Variants in PDXK observed in about 807,000 individuals in gnomAD.
The protein encoded by PDXK is pyridoxal kinase, also known as epididymis secretory sperm binding protein Li 1a.
PDXK carries 15 observed loss-of-function variants against 43.2 expected under a neutral mutation model. The ratio of observed to expected loss-of-function variants is 0.35; its 90% CI spans 0.23 to 0.53. The LOEUF (loss-of-function observed/expected upper bound fraction) is 0.53. Ranked by LOEUF, PDXK falls within the 20% of genes least tolerant of loss-of-function variation. PDXK has a pLI of 0.92. For missense variants in PDXK, 343 were observed against 417.0 expected (o/e 0.82, Z 1.54); for synonymous variants, 172 against 165.4 (o/e 1.04, Z -0.31).
intron 7 of PDXK, among the ~76,000 whole-genome samples, chr21:43,750,847 T>C (rs1056556533): frequency 9.9e-5 from 15 of 151,518 alleles, no homozygotes; most frequent in African/African-American, 2.4e-4. Context: ...CGTGTGTGTG[T>C]GCACATGTGC....
intron 1 of PDXK, among the ~76,000 whole-genome samples, chr21:43,730,689 C>T (rs941584293): frequency 1.3e-5 from 2 of 152,162 alleles, no homozygotes; most frequent in Non-Finnish European, 2.9e-5. Context: ...TGCAGTGGCT[C>T]ATACCTGTAG....
At chr21:43,730,594 A>G (rs1338573336) in intron 1 of PDXK, among the ~76,000 whole-genome samples, 1 of 152,188 alleles carries the variant, frequency 6.6e-6, no homozygotes, top group Non-Finnish European at 1.5e-5. Flanking sequence ...TAGACAACAG[A>G]TAGTGTAAAA....
In PDXK at chr21:43,754,338, G is replaced by A. The variant is rs1231438986; in HGVS notation, c.759+619G>A. Among the ~76,000 whole-genome samples, 1 of 152,184 alleles carries A rather than the reference G, an allele frequency of 6.6e-6. No homozygotes were observed. The highest frequency in any genetic ancestry group is 2.4e-5 in the African/African-American group (1 of 41,438). ...TTGGGCAACTGACATGGCAGGTTGG[G>A]ATGTGGGGTCTCGTGAGCCTTTCTC... On this transcript the variant is annotated intron_variant, in intron 9 of 10. Coordinates refer to ENST00000291565, the MANE Select transcript of PDXK (RefSeq NM_003681.5). This position sits in a 1 kb window ranked among gnomAD's most constrained non-coding sequence, Gnocchi z 5.5.
At position 43,752,571 on chromosome 21, in the gene PDXK, C is replaced by T. The variant is rs117532045; in HGVS notation, c.564C>T (p.Ser188=). The T allele has an allele frequency of 7.3e-4, 1,181 of 1,613,070 alleles. 6 individuals are homozygous for T. The East Asian group carries it at 0.015, about 21-fold the overall frequency. The change falls in exon 8 of 11, where the codon TCC becomes TCT. Residue 188 remains serine (S), a synonymous_variant. Coordinates refer to ENST00000291565, the MANE Select transcript of PDXK (RefSeq NM_003681.5). ...CCGACACCGTGGTCATCACCAGCTC[C>T]GACCTGCCCTCCCCGCAGGGCAGCA... ...MGPDTVVITS[S]DLPSPQGSNY...
intron 1 of PDXK, among the ~76,000 whole-genome samples, chr21:43,729,173 G>A (rs375816222): frequency 7.9e-5 from 12 of 152,204 alleles, no homozygotes; most frequent in East Asian, 3.9e-4. Context: ...TACACCTTGC[G>A]GTAGAGGCTG....
At chr21:43,725,724 T>A (rs1206836744) in intron 1 of PDXK, among the ~76,000 whole-genome samples, 1 of 151,610 alleles carries the variant, frequency 6.6e-6, no homozygotes, top group Non-Finnish European at 1.5e-5. Flanking sequence ...GGAAGGAGAT[T>A]GCTTAAACCC....
intron 4 of PDXK, 91 bp from the exon 5 acceptor site, chr21:43,745,988 C>A (rs1469998022): frequency 2.0e-6 from 2 of 1,017,554 alleles, no homozygotes; most frequent in South Asian, 1.3e-5. Context: ...CAGAGCAAGA[C>A]CCTGTCTTAA....
In PDXK at chr21:43,749,025, A is replaced by G. The variant is rs1360203231; in HGVS notation, c.409A>G (p.Lys137Glu). 4.3e-6 allele frequency: 7 copies of G among 1,612,722 alleles called. No individual in the cohort carries two copies. Among genetic ancestry groups the G allele is most frequent in the African/African-American group, 1.3e-5 (1 of 74,914 alleles). The stretch of plus-strand genomic sequence containing the variant: ...CCCGGAGGACCTCCTTCCCGTCTAC[A>G]AAGAAAAAGTGGTGCCGCTTGCAGA... ...YVPEDLLPVY[K>E]EKVVPLADII... The change falls in exon 6 of 11, where the codon AAA (lysine) becomes GAA (glutamate). Residue 137 changes from lysine (K) to glutamate (E), a missense_variant. Lys to Glu is a moderately conservative substitution (Grantham distance 56). Coordinates refer to ENST00000291565, the MANE Select transcript of PDXK (RefSeq NM_003681.5).
At chr21:43,753,387 G>T (rs780411413) in intron 8 of PDXK, among the ~76,000 whole-genome samples, 196 bp from the exon 9 acceptor site, 9 of 152,154 alleles carry the variant, frequency 5.9e-5, no homozygotes, top group Non-Finnish European at 1.0e-4. Context: ...CTCTGAGGGT[G>T]CAGTCTTTCC....
chr21:43,743,966 A>G (rs1376147386), intron 4 of PDXK, among the ~76,000 whole-genome samples, 159 bp downstream of exon 4: 1 of 152,108 alleles, frequency 6.6e-6, no homozygotes, highest in Non-Finnish European at 1.5e-5. Context: ...GCCTCTGAAG[A>G]TGTTGGCCTG....
At position 43,754,078 on chromosome 21, in the gene PDXK, G is replaced by A. The variant is rs1390633940; in HGVS notation, c.759+359G>A. ...GCTGTTGTGTCCTTGGTGACTTGGG[G>A]GCTGCTGCAGAGGAGTGGCACCCTG... On this transcript the variant is annotated intron_variant, in intron 9 of 10. Coordinates refer to ENST00000291565, the MANE Select transcript of PDXK (RefSeq NM_003681.5). This position sits in a 1 kb window ranked among gnomAD's most constrained non-coding sequence, Gnocchi z 5.5. 6.6e-6 allele frequency among the ~76,000 whole-genome samples: 1 copy of A among 152,232 alleles called. No homozygotes were observed. The highest frequency in any genetic ancestry group is 1.5e-5 in the Non-Finnish European group (1 of 68,036).
rs1049448126 is a variant in PDXK, at chr21:43,734,422, A to G, written c.142+299A>G. Among the ~76,000 whole-genome samples, 4 of 152,166 alleles carry G rather than the reference A, an allele frequency of 2.6e-5. No individual in the cohort carries two copies. Among genetic ancestry groups the G allele is most frequent in the African/African-American group, 9.7e-5 (4 of 41,428 alleles). On this transcript the variant is annotated intron_variant, in intron 2 of 10. Coordinates refer to ENST00000291565, the MANE Select transcript of PDXK (RefSeq NM_003681.5). The surrounding 1 kb of genome is among the most constrained non-coding windows in gnomAD (Gnocchi z 5.0). Reference sequence around the variant, plus strand: ...GCTTCAGTTTCCTTCTCTGTAAGACAGGAGGGCAATCCTAACACCTGCCGT... The same window carrying G: ...GCTTCAGTTTCCTTCTCTGTAAGACGGGAGGGCAATCCTAACACCTGCCGT...
At chr21:43,725,453 T>C (rs2083244588) in intron 1 of PDXK, among the ~76,000 whole-genome samples, 1 of 152,142 alleles carries the variant, frequency 6.6e-6, no homozygotes, top group Admixed American at 6.5e-5. Context: ...CCCTGCCTTT[T>C]AAAAGACATC....
rs2083364653 is a variant in PDXK at position 43,734,046 on chromosome 21, C to G, written c.88-23C>G. 2 of 1,613,568 alleles carry G rather than the reference C, an allele frequency of 1.2e-6. No homozygotes were observed. The highest frequency in any genetic ancestry group is 2.2e-5 in the South Asian group (2 of 91,064). ...CCCAGACCTGGCTCTCTTACGCCTA[C>G]CTGTTCCTTCTCTGTCTTGCAGGTT... On this transcript the variant is annotated intron_variant, in intron 1 of 10. Coordinates refer to ENST00000291565, the MANE Select transcript of PDXK (RefSeq NM_003681.5). The surrounding 1 kb of genome is among the most constrained non-coding windows in gnomAD (Gnocchi z 5.0).
intron 1 of PDXK, 111 bp downstream of exon 1, chr21:43,719,492 GCC>G: frequency 6.1e-6 from 8 of 1,321,842 alleles, no homozygotes; most frequent in Non-Finnish European, 8.0e-6. Flanking sequence ...TGCGGGCAGA[GCC>G]TGGCGCGGGC....
intron 7 of PDXK, among the ~76,000 whole-genome samples, chr21:43,751,833 T>C (rs2083756056): frequency 6.6e-6 from 1 of 152,194 alleles, no homozygotes; most frequent in African/African-American, 2.4e-5. Flanking sequence ...GGTGCCATGT[T>C]TCAACATGCA....
chr21:43,742,267 C>G (rs1353010674), intron 3 of PDXK, among the ~76,000 whole-genome samples: 2 of 152,214 alleles, frequency 1.3e-5, no homozygotes, highest in Non-Finnish European at 2.9e-5. Context: ...GCAGCCTCAA[C>G]CTCCCAGGCT....
Position 43,737,376 on chromosome 21 carries a change from T to C in PDXK, c.142+3253T>C. On this transcript the variant is annotated intron_variant, in intron 2 of 10. Transcript: ENST00000291565. The surrounding 1 kb of genome is among the most constrained non-coding windows in gnomAD (Gnocchi z 4.8). ...GCCGTACCACAAGGTGCGTTCATTTTTCCACACCGTGAGCTGGGCTTGGCA... is the reference window on the plus strand; with the variant it reads ...GCCGTACCACAAGGTGCGTTCATTTCTCCACACCGTGAGCTGGGCTTGGCA... 2 of 1,212,216 alleles carry C rather than the reference T, an allele frequency of 1.6e-6. No individual in the cohort carries two copies. Among genetic ancestry groups the C allele is most frequent in the East Asian group, 5.0e-5 (1 of 20,170 alleles). 75.1% of individuals were successfully genotyped at this position (1,212,216 alleles called of 1,614,324 possible). A position where few individuals can be genotyped will look rare whatever the true frequency, so the allele number is the denominator to read the frequency against.
At chr21:43,755,574 G>A (rs200885127) in intron 9 of PDXK, 124 bp from the exon 10 acceptor site, 16 of 833,042 alleles carry the variant, frequency 1.9e-5, no homozygotes, top group Admixed American at 7.1e-5. Flanking sequence ...TGGCGGAGCC[G>A]GCTCCCCGGT....
Sources: allele counts gnomAD v4.1 joint callset (sites outside exome capture counted in the v4.1 genomes callset), GRCh38; gene constraint gnomAD v4.1.1; non-coding constraint Gnocchi (gnomAD v3.1); transcripts MANE v1.5; gene names NCBI Gene and HGNC (gene_info 2026-07-23, HGNC 2026-07-21).